Variants in DPM1 observed in about 807,000 individuals in gnomAD.
The protein encoded by DPM1 is dolichol-phosphate mannosyltransferase subunit 1.
A neutral mutation model predicts 39.0 loss-of-function variants in DPM1; 27 were observed. That is an observed-to-expected ratio of 0.69 (90% confidence interval 0.51 to 0.95). The LOEUF (loss-of-function observed/expected upper bound fraction) is 0.95. Ranked by LOEUF, DPM1 falls within the 40% of genes least tolerant of loss-of-function variation. The pLI is 0.00. For synonymous variants in DPM1, 124 were observed against 109.0 expected (o/e 1.14, Z -0.86); for missense variants, 307 against 315.6 (o/e 0.97, Z 0.21).
At chr20:50,953,514 A>T (rs960557771) in intron 2 of DPM1, among the ~76,000 whole-genome samples, 23 of 152,034 alleles carry the variant, frequency 1.5e-4, no homozygotes, top group East Asian at 7.7e-4. Flanking sequence ...GTTTTTTTTT[A>T]AAAGTCATTT....
chr20:50,950,871 A>AAAACAAAC (rs138746394), intron 2 of DPM1, among the ~76,000 whole-genome samples: 11 of 151,766 alleles, frequency 7.2e-5, no homozygotes, highest in African/African-American at 1.5e-4. Flanking sequence ...TCCGTCTCAA[A>AAAACAAAC]AAACAAACAA....
intron 1 of DPM1, among the ~76,000 whole-genome samples, chr20:50,956,875 T>C (rs2123148521): frequency 6.6e-6 from 1 of 152,324 alleles, no homozygotes; most frequent in East Asian, 1.9e-4. Context: ...AGCTCAAAGG[T>C]ACCAAGCTGG....
intron 5 of DPM1, among the ~76,000 whole-genome samples, chr20:50,942,653 TG>T (rs1985942070): frequency 1.3e-5 from 2 of 151,820 alleles, no homozygotes; most frequent in South Asian, 4.1e-4. Context: ...TGGGTGACAA[TG>T]GAAGACCTTG....
chr20:50,949,777 T>TC (rs1986482919), intron 2 of DPM1, among the ~76,000 whole-genome samples: 2 of 151,626 alleles, frequency 1.3e-5, no homozygotes, highest in Admixed American at 6.6e-5. Flanking sequence ...TTTTTTTTTT[T>TC]CACTATATGC....
At chr20:50,946,288 G>A (rs908412273) in intron 3 of DPM1, among the ~76,000 whole-genome samples, 5 of 152,150 alleles carry the variant, frequency 3.3e-5, no homozygotes, top group African/African-American at 1.2e-4. Flanking sequence ...AGACACTGAT[G>A]AGCTCCACAT....
At chr20:50,943,991 C>T (rs1233829919) in intron 5 of DPM1, among the ~76,000 whole-genome samples, 11 of 152,138 alleles carry the variant, frequency 7.2e-5, no homozygotes. Flanking sequence ...CCGCCCGCCT[C>T]GGCCCCCCAA....
chr20:50,943,932 G>C (rs1986091324), intron 5 of DPM1, among the ~76,000 whole-genome samples: 1 of 151,740 alleles, frequency 6.6e-6, no homozygotes, highest in South Asian at 2.1e-4. Flanking sequence ...AGTAGAGACA[G>C]GGTTTCACCG....
intron 2 of DPM1, among the ~76,000 whole-genome samples, chr20:50,949,379 C>T (rs1986462756): frequency 6.6e-6 from 1 of 152,126 alleles, no homozygotes; most frequent in Non-Finnish European, 1.5e-5. Context: ...GTTTTGAATA[C>T]TAATATCACT....
At chr20:50,951,515 G>A (rs906110072) in intron 2 of DPM1, among the ~76,000 whole-genome samples, 12 of 152,344 alleles carry the variant, frequency 7.9e-5, no homozygotes, top group African/African-American at 2.2e-4. Flanking sequence ...CAGGTCGGGC[G>A]TGGTGGCTCA....
chr20:50,956,273 C>T (rs1299590590), intron 1 of DPM1, among the ~76,000 whole-genome samples: 2 of 152,174 alleles, frequency 1.3e-5, no homozygotes, highest in Non-Finnish European at 2.9e-5. Flanking sequence ...ATACCTACGA[C>T]ATAACATTCC....
At chr20:50,941,227 AAT>A (rs58694792) in intron 6 of DPM1, 16,844 of 60,932 alleles carry the variant, frequency 0.28, 2,227 homozygotes, top group Middle Eastern at 0.33. Context: ...AAAAAAAGTG[AAT>A]ATATATATAT....
chr20:50,947,132 C>G (rs973887039), intron 3 of DPM1, among the ~76,000 whole-genome samples: 2 of 152,194 alleles, frequency 1.3e-5, no homozygotes, highest in African/African-American at 2.4e-5. Context: ...CGCTTGAACC[C>G]GGGAGGCAGA....
Position 50,935,080 on chromosome 20 carries a change from T to C in DPM1, c.*52A>G. 1 of 1,039,122 alleles carries C rather than the reference T, an allele frequency of 9.6e-7. No individual in the cohort carries two copies. 64.4% of individuals were successfully genotyped at this position (1,039,122 alleles called of 1,614,324 possible). On this transcript the variant is annotated 3_prime_UTR_variant, in exon 9 of 9. Transcript: ENST00000371588. The stretch of plus-strand genomic sequence containing the variant: ...ATTTTATACAAATCAGTAACCAGGC[T>C]TCTTTCATGTTTAACCTGAAATGAA...
intron 7 of DPM1, among the ~76,000 whole-genome samples, chr20:50,937,072 GTC>G (rs1423023252): frequency 2.0e-5 from 3 of 147,408 alleles, no homozygotes; most frequent in African/African-American, 7.5e-5. Flanking sequence ...AAAGATCAGT[GTC>G]TCAGTTCATA....
At chr20:50,946,274 C>A (rs759155799) in intron 3 of DPM1, among the ~76,000 whole-genome samples, 6 of 152,212 alleles carry the variant, frequency 3.9e-5, no homozygotes, top group Non-Finnish European at 5.9e-5. Context: ...TTGGCATCCC[C>A]CTAAGACACT....
In DPM1 at chr20:50,948,537, A is replaced by C. The variant is rs904366156; in HGVS notation, c.295+92T>G. 33 of 1,156,112 alleles carry C rather than the reference A, an allele frequency of 2.9e-5. No individual in the cohort carries two copies. The Admixed American group carries it at 3.2e-4, about 11-fold the overall frequency. 71.6% of individuals were successfully genotyped at this position (1,156,112 alleles called of 1,614,324 possible). A position where few individuals can be genotyped will look rare whatever the true frequency, so the allele number is the denominator to read the frequency against. On this transcript the variant is annotated intron_variant, in intron 3 of 8. Transcript: ENST00000371588. The stretch of plus-strand genomic sequence containing the variant: ...AAAAACCATCATAGGAAGTTACTGT[A>C]TTTTGGCCCTATTCCAAACTGGGAA...
chr20:50,955,753 C>T (rs1041771006), intron 1 of DPM1, among the ~76,000 whole-genome samples: 2 of 152,068 alleles, frequency 1.3e-5, no homozygotes, highest in Non-Finnish European at 2.9e-5. Context: ...TTAGTAGAGA[C>T]GGGGTTTCAC....
chr20:50,941,301 TATA>T (rs1219295272), intron 6 of DPM1: 104 of 151,404 alleles, frequency 6.9e-4, no homozygotes, highest in South Asian at 4.7e-3. Context: ...TACACATTCA[TATA>T]ATATGTATAT....
chr20:50,940,838 TA>T, intron 7 of DPM1, 26 bp downstream of exon 7: 1 of 1,550,374 alleles, frequency 6.5e-7, no homozygotes, highest in Non-Finnish European at 8.9e-7. Context: ...AGAAGTTATA[TA>T]AAAGTAGTGG....
Sources: gnomAD v4.1 joint callset for allele counts (sites outside exome capture counted in the v4.1 genomes callset) on GRCh38, gnomAD v4.1.1 for gene constraint, MANE v1.5 for transcripts, NCBI Gene and HGNC (gene_info 2026-07-23, HGNC 2026-07-21) for gene names.